Variants in ADAMTS17 observed in about 807,000 individuals in gnomAD.
ADAMTS17 encodes the protein ADAM metallopeptidase with thrombospondin type 1 motif 17.
Under a neutral mutation model 141.5 loss-of-function variants are expected in ADAMTS17, and 113 were observed. The ratio of observed to expected loss-of-function variants is 0.80; its 90% CI spans 0.69 to 0.93. The LOEUF (loss-of-function observed/expected upper bound fraction) is 0.93, where lower values mean the gene tolerates loss of function less well. Among genes scored for constraint, ADAMTS17 ranks in the 40% least tolerant of loss-of-function variants. ADAMTS17 has a pLI of 0.00. For missense variants in ADAMTS17, 1,659 were observed against 1,517.9 expected (o/e 1.09, Z -1.54); for synonymous variants, 768 against 630.6 (o/e 1.22, Z -3.27).
chr15:100,294,701 T>C (rs183340988), intron 3 of ADAMTS17, among the ~76,000 whole-genome samples: 2 of 152,290 alleles, frequency 1.3e-5, no homozygotes, highest in East Asian at 3.9e-4. Flanking sequence ...AGCAAGACCC[T>C]ACCTCAAAAT....
chr15:99,977,401 A>ATATTT (rs2060384375), intron 20 of ADAMTS17, among the ~76,000 whole-genome samples: 1 of 5,154 alleles, frequency 1.9e-4, no homozygotes, highest in Non-Finnish European at 3.6e-4. Flanking sequence ...TATATATATA[A>ATATTT]TTTTTTTTTT....
At chr15:100,023,695 GC>G (rs749761655) in intron 18 of ADAMTS17, among the ~76,000 whole-genome samples, 19 of 152,150 alleles carry the variant, frequency 1.2e-4, no homozygotes, top group Non-Finnish European at 2.5e-4. Context: ...CTAGCACAGA[GC>G]CTCGTGCTTC....
At position 100,152,647 on chromosome 15, in the gene ADAMTS17, A is replaced by G. The variant is rs1350993078; in HGVS notation, c.1438T>C (p.Phe480Leu). The G allele has an allele frequency of 1.2e-6, 2 of 1,614,092 alleles. No individual in the cohort carries two copies. Among genetic ancestry groups the G allele is most frequent in the Non-Finnish European group, 1.7e-6 (2 of 1,180,024 alleles). The part of the protein sequence containing the change: ...YSANEQCQIL[F>L]GMNATFCRNM... ...CTGCAGAAGGTGGCATTCATGCCAA[A>G]CAGGATCTGGCACTGCTCGTTGGCA... is the stretch of plus-strand genomic sequence containing the variant. The change falls in exon 10 of 22, where the codon TTT becomes CTT. Residue 480 changes from phenylalanine to leucine, a missense_variant. Coordinates refer to ENST00000268070, the MANE Select transcript of ADAMTS17 (RefSeq NM_139057.4).
chr15:100,102,363 A>G lies in ADAMTS17; in HGVS notation c.2017-5887T>C, dbSNP rs183876422. Reference sequence around the variant, plus strand: ...GAAGGGGATCTACATTTGAGGGCCAACCGAAGGGGATCTACATTTGAGGGC... The same window carrying G: ...GAAGGGGATCTACATTTGAGGGCCAGCCGAAGGGGATCTACATTTGAGGGC... On this transcript the variant is annotated intron_variant, in intron 14 of 21. Transcript: ENST00000268070. Among the ~76,000 whole-genome samples, 1,022 of 131,750 alleles carry G rather than the reference A, an allele frequency of 7.8e-3. 38 individuals carry two copies. Among genetic ancestry groups the G allele is most frequent in the African/African-American group, 0.029 (926 of 31,516 alleles). 86.4% of individuals were successfully genotyped at this position (131,750 alleles called of 152,430 possible).
chr15:100,070,935 A>G (rs2033924516), intron 15 of ADAMTS17, among the ~76,000 whole-genome samples: 1 of 150,320 alleles, frequency 6.7e-6, no homozygotes, highest in Admixed American at 6.7e-5. Flanking sequence ...AACCCTTCAA[A>G]AAATCCATGA....
At chr15:100,125,513 G>C (rs1480536529) in intron 12 of ADAMTS17, among the ~76,000 whole-genome samples, 1 of 152,096 alleles carries the variant, frequency 6.6e-6, no homozygotes, top group African/African-American at 2.4e-5. Flanking sequence ...CTGTGTCCCA[G>C]CTCTGCACTC....
At chr15:100,000,494 A>G (rs2060897864) in intron 18 of ADAMTS17, among the ~76,000 whole-genome samples, 1 of 152,168 alleles carries the variant, frequency 6.6e-6, no homozygotes, top group Non-Finnish European at 1.5e-5. Flanking sequence ...ATAAGCACAC[A>G]CATACTAAAA....
chr15:100,068,495 C>A (rs888138176), intron 15 of ADAMTS17, among the ~76,000 whole-genome samples: 2 of 152,350 alleles, frequency 1.3e-5, no homozygotes, highest in East Asian at 3.9e-4. Context: ...AATTGGGAGG[C>A]ACCCCCCAGT....
chr15:100,052,171 A>G (rs1213564019), intron 16 of ADAMTS17, among the ~76,000 whole-genome samples: 2 of 152,204 alleles, frequency 1.3e-5, no homozygotes, highest in South Asian at 2.1e-4. Flanking sequence ...GGGTGACTCT[A>G]TTTCTTTGGA....
At chr15:99,978,052 G>C (rs1338550988) in intron 20 of ADAMTS17, among the ~76,000 whole-genome samples, 1 of 152,222 alleles carries the variant, frequency 6.6e-6, no homozygotes, top group East Asian at 1.9e-4. Flanking sequence ...TTCTCTGAAT[G>C]CCACACGTGG....
intron 13 of ADAMTS17, among the ~76,000 whole-genome samples, chr15:100,116,132 TAAAAA>T (rs34003703): frequency 2.2e-4 from 19 of 84,784 alleles, no homozygotes; most frequent in Admixed American, 5.0e-4. Context: ...CAGTTTTAGG[TAAAAA>T]AAAAAAAAAA....
chr15:100,218,397 A>G (rs76883316), intron 7 of ADAMTS17, among the ~76,000 whole-genome samples: 2,699 of 152,336 alleles, frequency 0.018, 75 homozygotes, highest in African/African-American at 0.058. Flanking sequence ...AATAAAAACC[A>G]AACACAATTT....
chr15:100,189,350 G>A (rs184863467), intron 8 of ADAMTS17, among the ~76,000 whole-genome samples: 2 of 152,328 alleles, frequency 1.3e-5, no homozygotes, highest in Admixed American at 6.5e-5. Flanking sequence ...TGAGTAAGCC[G>A]AGTGTGGACC....
intron 7 of ADAMTS17, among the ~76,000 whole-genome samples, chr15:100,212,363 G>C (rs2041837139): frequency 6.6e-6 from 1 of 152,178 alleles, no homozygotes; most frequent in South Asian, 2.1e-4. Context: ...GGGAAGACAG[G>C]AGAAGCCTGC....
chr15:100,170,036 T>G (rs1163767374), intron 8 of ADAMTS17, among the ~76,000 whole-genome samples: 1 of 151,932 alleles, frequency 6.6e-6, no homozygotes, highest in Non-Finnish European at 1.5e-5. Context: ...GTGCCTACCC[T>G]CTGACTTTCC....
intron 18 of ADAMTS17, among the ~76,000 whole-genome samples, chr15:100,026,554 A>C (rs1185136207): frequency 6.6e-6 from 1 of 152,172 alleles, no homozygotes; most frequent in Non-Finnish European, 1.5e-5. Context: ...ACATACCATA[A>C]ATTGTGCTCT....
intron 7 of ADAMTS17, among the ~76,000 whole-genome samples, chr15:100,234,908 T>C (rs1308606728): frequency 2.0e-5 from 3 of 152,116 alleles, no homozygotes; most frequent in Non-Finnish European, 2.9e-5. Context: ...GAGGAGACAA[T>C]AGAAAATATC....
chr15:100,318,192 G>A (rs573461529), intron 3 of ADAMTS17, among the ~76,000 whole-genome samples: 1 of 152,004 alleles, frequency 6.6e-6, no homozygotes, highest in South Asian at 2.1e-4. Flanking sequence ...GTTTCATGAG[G>A]GGTAAATCAT....
At chr15:100,091,006 T>TAAAAAAAA (rs2035427739) in intron 15 of ADAMTS17, among the ~76,000 whole-genome samples, 1 of 67,192 alleles carries the variant, frequency 1.5e-5, no homozygotes, top group African/African-American at 1.0e-4. Flanking sequence ...AGACTCCGTC[T>TAAAAAAAA]CAACAAAAAA....
Sources: gnomAD v4.1 joint callset for allele counts (sites outside exome capture counted in the v4.1 genomes callset) on GRCh38, gnomAD v4.1.1 for gene constraint, MANE v1.5 for transcripts, NCBI Gene and HGNC (gene_info 2026-07-23, HGNC 2026-07-21) for gene names.